CDH4: variants seen among roughly 807,000 people sequenced by gnomAD.
CDH4 encodes cadherin 4.
A neutral mutation model predicts 86.0 loss-of-function variants in CDH4; 33 were observed. The ratio of observed to expected loss-of-function variants is 0.38; its 90% CI spans 0.29 to 0.51. CDH4 has a LOEUF of 0.51. Among genes scored for constraint, CDH4 ranks in the 20% least tolerant of loss-of-function variants. The probability of loss-of-function intolerance (pLI) is 0.86; values close to 1 mark genes in which losing one functional copy is unlikely to be tolerated. For missense variants in CDH4, 1,114 were observed against 1,307.4 expected, an observed-to-expected ratio of 0.85 and a Z score of 2.28; for synonymous variants, 555 against 549.4, an observed-to-expected ratio of 1.01 and a Z score of -0.14.
chr20:61,866,405 C>T (rs955804977), intron 6 of CDH4, among the ~76,000 whole-genome samples: 1 of 152,158 alleles, frequency 6.6e-6, no homozygotes, highest in African/African-American at 2.4e-5. Flanking sequence ...ACAGCTAAAC[C>T]GCCTCTGAGA....
chr20:61,434,175 AGTG>A (rs2085267088), intron 2 of CDH4, among the ~76,000 whole-genome samples: 1 of 152,150 alleles, frequency 6.6e-6, no homozygotes. Context: ...CTAACCCACG[AGTG>A]GTGTTTACCC....
chr20:61,384,601 C>T (rs1353610119), intron 2 of CDH4, among the ~76,000 whole-genome samples: 1 of 152,140 alleles, frequency 6.6e-6, no homozygotes, highest in Non-Finnish European at 1.5e-5. Flanking sequence ...TCTTTCTAAT[C>T]CCTTAGTCTC....
intron 2 of CDH4, among the ~76,000 whole-genome samples, chr20:61,588,744 C>T (rs995439526): frequency 6.6e-6 from 1 of 152,206 alleles, no homozygotes; most frequent in Admixed American, 6.5e-5. Flanking sequence ...TGGTTCTCAG[C>T]CATTTGGCCT....
chr20:61,273,414 G>A (rs1286662939), intron 2 of CDH4, among the ~76,000 whole-genome samples: 1 of 103,570 alleles, frequency 9.7e-6, no homozygotes, highest in Non-Finnish European at 1.9e-5. Flanking sequence ...TATTGGGGGA[G>A]TACCATGTGC....
chr20:61,329,187 T>C (rs1276561253), intron 2 of CDH4, among the ~76,000 whole-genome samples: 1 of 152,030 alleles, frequency 6.6e-6, no homozygotes, highest in Non-Finnish European at 1.5e-5. Flanking sequence ...CAAAAAATTG[T>C]AGTTCAGCTG....
intron 2 of CDH4, among the ~76,000 whole-genome samples, chr20:61,368,820 A>G (rs933013594): frequency 3.3e-5 from 5 of 152,132 alleles, no homozygotes; most frequent in East Asian, 1.9e-4. Context: ...GCCGGCTAGG[A>G]TGGTATTTTG....
chr20:61,799,543 T>C (rs1979722094), intron 4 of CDH4, among the ~76,000 whole-genome samples: 1 of 152,210 alleles, frequency 6.6e-6, no homozygotes, highest in African/African-American at 2.4e-5. Context: ...CTTTGTGGTC[T>C]GGAGAGGCCA....
intron 2 of CDH4, among the ~76,000 whole-genome samples, chr20:61,559,433 C>T (rs141768952): frequency 0.016 from 2,474 of 152,024 alleles, 25 homozygotes; most frequent in Non-Finnish European, 0.024. Flanking sequence ...AGACGGCGCG[C>T]TGTCGGGAGG....
intron 2 of CDH4, among the ~76,000 whole-genome samples, chr20:61,693,622 G>C (rs2087684091): frequency 6.6e-6 from 1 of 152,160 alleles, no homozygotes; most frequent in Non-Finnish European, 1.5e-5. Flanking sequence ...TCACTCTCTA[G>C]AATTGTGTTT....
At chr20:61,562,291 C>A (rs1301991611) in intron 2 of CDH4, among the ~76,000 whole-genome samples, 1 of 106,054 alleles carries the variant, frequency 9.4e-6, no homozygotes, top group Non-Finnish European at 1.8e-5. Flanking sequence ...GACCCCAGGG[C>A]TCCCGGAGAG....
At position 61,501,748 on chromosome 20, in the gene CDH4, C is replaced by G. The variant is rs1048654004; in HGVS notation, c.170-241815C>G. Among the ~76,000 whole-genome samples the G allele has an allele frequency of 6.6e-6, 1 of 152,164 alleles. No homozygotes were observed. Among genetic ancestry groups the G allele is most frequent in the African/African-American group, 2.4e-5 (1 of 41,440 alleles). The stretch of plus-strand genomic sequence containing the variant: ...CCACCCCGCCACTGCCTCCACCATT[C>G]GTTAGGGAGCCACTCATTATGGGAC... On this transcript the variant is annotated intron_variant, in intron 2 of 15. Coordinates refer to ENST00000614565, the MANE Select transcript of CDH4 (RefSeq NM_001794.5). The surrounding 1 kb of genome is among the most constrained non-coding windows in gnomAD (Gnocchi z 4.2).
In CDH4 at chr20:61,501,935, C is replaced by A. The variant is rs1372245034; in HGVS notation, c.170-241628C>A. Among the ~76,000 whole-genome samples, 1 of 152,166 alleles carries A rather than the reference C, an allele frequency of 6.6e-6. No homozygotes were observed. Among genetic ancestry groups the A allele is most frequent in the Admixed American group, 6.5e-5 (1 of 15,290 alleles). On this transcript the variant is annotated intron_variant, in intron 2 of 15. Transcript: ENST00000614565. This position sits in a 1 kb window ranked among gnomAD's most constrained non-coding sequence, Gnocchi z 4.2. ...CCTCTGAGGAATGCCTGAGTGAGGACCCCGTGTAAAGTAAGATGAACCGAG... is the reference window on the plus strand; with the variant it reads ...CCTCTGAGGAATGCCTGAGTGAGGAACCCGTGTAAAGTAAGATGAACCGAG...
In CDH4 at chr20:61,664,935, GTCA is replaced by G. The variant is rs529610903; in HGVS notation, c.170-78623_170-78621del. Among the ~76,000 whole-genome samples the G allele has an allele frequency of 1.4e-4, 22 of 152,376 alleles. No individual in the cohort carries two copies. In the South Asian group the frequency reaches 4.6e-3, roughly 32 times the overall value. ...ATGAAGTTTCTTGAAATTAGCAACA[GTCA>G]TCATATCTGAACAAAGAGGCTGCCC... On this transcript the variant is annotated intron_variant, in intron 2 of 15. Transcript: ENST00000614565.
At chr20:61,632,327 A>G (rs2086896634) in intron 2 of CDH4, among the ~76,000 whole-genome samples, 1 of 152,106 alleles carries the variant, frequency 6.6e-6, no homozygotes, top group African/African-American at 2.4e-5. Flanking sequence ...TGAGCTGTGC[A>G]CTTATACAAT....
intron 2 of CDH4, among the ~76,000 whole-genome samples, chr20:61,434,452 TG>T (rs2085269131): frequency 6.6e-6 from 1 of 152,126 alleles, no homozygotes; most frequent in South Asian, 2.1e-4. Context: ...TGAGATAGAT[TG>T]CACGTTCACC....
At chr20:61,333,863 G>A (rs1254081217) in intron 2 of CDH4, among the ~76,000 whole-genome samples, 1 of 152,256 alleles carries the variant, frequency 6.6e-6, no homozygotes, top group African/African-American at 2.4e-5. Flanking sequence ...GCACATCTGT[G>A]TCCTGCCAGG....
intron 2 of CDH4, among the ~76,000 whole-genome samples, chr20:61,296,841 G>C (rs1412067959): frequency 6.6e-6 from 1 of 152,128 alleles, no homozygotes; most frequent in Non-Finnish European, 1.5e-5. Flanking sequence ...GGCAGGTGGC[G>C]TCAGGTGGAA....
At chr20:61,346,499 T>G (rs1480092091) in intron 2 of CDH4, among the ~76,000 whole-genome samples, 2 of 151,832 alleles carry the variant, frequency 1.3e-5, no homozygotes, top group African/African-American at 4.8e-5. Context: ...ATCCCAGCAC[T>G]TTGGGAGGCT....
At chr20:61,385,816 G>A (rs565946100) in intron 2 of CDH4, among the ~76,000 whole-genome samples, 9 of 147,636 alleles carry the variant, frequency 6.1e-5, no homozygotes, top group East Asian at 2.0e-4. Context: ...AAACTTTAAC[G>A]TAGGTGTCAT....
Sources: gnomAD v4.1 joint callset for allele counts (sites outside exome capture counted in the v4.1 genomes callset) on GRCh38, gnomAD v4.1.1 for gene constraint, Gnocchi (gnomAD v3.1) non-coding constraint, MANE v1.5 for transcripts, NCBI Gene and HGNC (gene_info 2026-07-23, HGNC 2026-07-21) for gene names.